ERFL: variants seen among roughly 807,000 people sequenced by gnomAD.
The protein encoded by ERFL is ETS domain-containing transcription factor ERF-like.
Under a neutral mutation model 27.9 loss-of-function variants are expected in ERFL, and 8 were observed. The ratio of observed to expected loss-of-function variants is 0.29; its 90% confidence interval spans 0.17 to 0.52. The LOEUF is 0.52. ERFL is among the 20% of genes least tolerant of loss of function. The pLI, the probability that ERFL is intolerant of heterozygous loss-of-function variation, is 0.97. For missense variants in ERFL, 294 were observed against 444.4 expected (o/e 0.66, Z 3.04); for synonymous variants, 174 against 202.8 (o/e 0.86, Z 1.21).
Position 41,928,029 on chromosome 19 carries a change from C to G in ERFL, c.-14+11G>C, listed in dbSNP as rs1172119005. ...CTCCCCGCCCCTGCGCCGGCCGCGG[C>G]GCTCACTCACTTTCTGGGCTTTTCG... is the stretch of plus-strand genomic sequence containing the variant. On this transcript the variant is annotated intron_variant, in intron 1 of 5. Coordinates refer to ENST00000597630, the MANE Select transcript of ERFL (RefSeq NM_001365103.2). The G allele has an allele frequency of 6.6e-6, 1 of 152,134 alleles. No homozygotes were observed. Among genetic ancestry groups the G allele is most frequent in the Non-Finnish European group, 1.5e-5 (1 of 68,038 alleles). 9.4% of individuals were successfully genotyped at this position (152,134 alleles called of 1,614,324 possible).
In ERFL at chr19:41,920,353, C is replaced by T. The variant is rs1256517925; in HGVS notation, c.-13-7421G>A. On this transcript the variant is annotated intron_variant, in intron 1 of 5. Transcript: ENST00000597630. ...CACACTCAGACGTGATGCACTCAGA[C>T]GTGACGCACAGACATGACATGTTCA... 2.2e-5 allele frequency among the ~76,000 whole-genome samples: 3 copies of T among 139,038 alleles called. No individual in the cohort carries two copies. In the East Asian group the frequency reaches 6.5e-4, roughly 30 times the overall value. 91.2% of individuals were successfully genotyped at this position (139,038 alleles called of 152,430 possible). A position where few individuals can be genotyped will look rare whatever the true frequency, so the allele number is the denominator to read the frequency against.
intron 2 of ERFL, among the ~76,000 whole-genome samples, chr19:41,911,582 G>A (rs2074751865): frequency 6.6e-6 from 1 of 152,064 alleles, no homozygotes; most frequent in Non-Finnish European, 1.5e-5. Flanking sequence ...GAAGGCCGGG[G>A]AGCTCCAGGC....
intron 1 of ERFL, among the ~76,000 whole-genome samples, chr19:41,919,940 T>C (rs1288290822): frequency 1.7e-4 from 22 of 128,000 alleles, no homozygotes; most frequent in South Asian, 6.4e-4. Context: ...ACAGACATGA[T>C]ACGCCCAGAC....
In ERFL at chr19:41,910,000, C is replaced by T; in HGVS notation, c.165G>A (p.Glu55=). Reference sequence around the variant, plus strand: ...GCCAGGCTATGACGCCCTGGTACTCCTCCTTCTGCAGCAGCTCCAGGATAA... The same window carrying T: ...GCCAGGCTATGACGCCCTGGTACTCTTCCTTCTGCAGCAGCTCCAGGATAA... ...WHFILELLQK[E]EYQGVIAWQG... The change falls in exon 3 of 6, where the codon GAG becomes GAA. Residue 55 remains glutamate (E), a synonymous_variant. Coordinates refer to ENST00000597630, the MANE Select transcript of ERFL (RefSeq NM_001365103.2). The surrounding 1 kb of genome is among the most constrained non-coding windows in gnomAD (Gnocchi z 5.2). 1.9e-6 allele frequency: 3 copies of T among 1,613,810 alleles called. No individual in the cohort carries two copies. Among genetic ancestry groups the T allele is most frequent in the Admixed American group, 1.7e-5 (1 of 60,018 alleles).
At chr19:41,924,126 A>G (rs1284084398) in intron 1 of ERFL, among the ~76,000 whole-genome samples, 1 of 151,144 alleles carries the variant, frequency 6.6e-6, no homozygotes, top group African/African-American at 2.4e-5. Flanking sequence ...AAGGGTGAGA[A>G]AGTGAGCCTG....
intron 1 of ERFL, among the ~76,000 whole-genome samples, chr19:41,920,520 C>T (rs920450741): frequency 6.6e-6 from 1 of 151,714 alleles, no homozygotes; most frequent in African/African-American, 2.4e-5. Flanking sequence ...ATGACACGCT[C>T]ACAGACATGA....
intron 1 of ERFL, among the ~76,000 whole-genome samples, chr19:41,922,121 G>A (rs1390599855): frequency 3.9e-5 from 6 of 152,110 alleles, no homozygotes; most frequent in African/African-American, 1.4e-4. Context: ...GCGGGGTGTG[G>A]TGTACACCAG....
chr19:41,915,230 C>CGAG (rs782689939), intron 1 of ERFL, among the ~76,000 whole-genome samples: 77 of 141,728 alleles, frequency 5.4e-4, no homozygotes, highest in Non-Finnish European at 9.2e-4. Flanking sequence ...CACGTTATAA[C>CGAG]GAGGAGCCGT....
In ERFL at chr19:41,921,712, C is replaced by T. The variant is rs151103414; in HGVS notation, c.-14+6328G>A. On this transcript the variant is annotated intron_variant, in intron 1 of 5. Coordinates refer to ENST00000597630, the MANE Select transcript of ERFL (RefSeq NM_001365103.2). This position sits in a 1 kb window ranked among gnomAD's most constrained non-coding sequence, Gnocchi z 4.4. ...GGCAGAGGCAGGAGAGGGATGCAGG[C>T]GAGCCCGGCCCTGGAGGTGGAGTGG... 6.6e-5 allele frequency among the ~76,000 whole-genome samples: 10 copies of T among 152,128 alleles called. No individual in the cohort carries two copies. Among genetic ancestry groups the T allele is most frequent in the South Asian group, 2.1e-4 (1 of 4,826 alleles).
Sources: gnomAD v4.1 joint callset for allele counts (sites outside exome capture counted in the v4.1 genomes callset) on GRCh38, gnomAD v4.1.1 for gene constraint, Gnocchi (gnomAD v3.1) non-coding constraint, MANE v1.5 for transcripts, NCBI Gene and HGNC (gene_info 2026-07-23, HGNC 2026-07-21) for gene names.